The following BMP5 variants were observed in gnomAD, a reference collection of about 807,000 sequenced individuals.
BMP5 encodes the protein bone morphogenetic protein 5.
BMP5 carries 23 observed loss-of-function variants against 46.6 expected under a neutral mutation model. That is an observed-to-expected ratio of 0.49 (90% CI 0.35 to 0.70). BMP5 has a LOEUF of 0.70. BMP5 is among the 30% of genes least tolerant of loss of function. BMP5 has a pLI of 0.00. For missense variants in BMP5, 545 were observed against 565.6 expected, an observed-to-expected ratio of 0.96 and a Z score of 0.37; for synonymous variants, 204 against 191.9, an observed-to-expected ratio of 1.06 and a Z score of -0.52.
intron 2 of BMP5, among the ~76,000 whole-genome samples, chr6:55,800,906 A>C (rs188608274): frequency 6.6e-6 from 1 of 152,200 alleles, no homozygotes; most frequent in Non-Finnish European, 1.5e-5. Flanking sequence ...CTCCCAAACC[A>C]TAACTCAATT....
At chr6:55,794,473 C>T in intron 2 of BMP5, 46 bp from the exon 3 acceptor site, 1 of 1,573,948 alleles carries the variant, frequency 6.4e-7, no homozygotes. Context: ...TTTAAATGAA[C>T]ATCATTATTT....
Position 55,817,392 on chromosome 6 carries a change from C to A in BMP5, c.683+2263G>T, listed in dbSNP as rs568802017. Reference sequence around the variant, plus strand: ...TAGACTGGATTAAGAAAATATGGCACATATACACCACAGAATACTATGCAG... The same window carrying A: ...TAGACTGGATTAAGAAAATATGGCAAATATACACCACAGAATACTATGCAG... On this transcript the variant is annotated intron_variant, in intron 2 of 6. Transcript: ENST00000370830. 9.9e-5 allele frequency among the ~76,000 whole-genome samples: 15 copies of A among 152,272 alleles called. No individual in the cohort carries two copies. In the East Asian group the frequency reaches 2.7e-3, roughly 27 times the overall value.
chr6:55,823,255 C>A (rs1776451409), intron 1 of BMP5, among the ~76,000 whole-genome samples: 1 of 151,998 alleles, frequency 6.6e-6, no homozygotes. Flanking sequence ...TGTCTTTCAG[C>A]AGTACACAAA....
At position 55,755,450 on chromosome 6, in the gene BMP5, C is replaced by A; in HGVS notation, c.*83G>T. On this transcript the variant is annotated 3_prime_UTR_variant, in exon 7 of 7. Transcript: ENST00000370830. The stretch of plus-strand genomic sequence containing the variant: ...TGAGCCAGACTAATTTTAGGAAATT[C>A]CCCGTTTGTCTGAAAGTATGCTTTT... 1 of 1,368,360 alleles carries A rather than the reference C, an allele frequency of 7.3e-7. No individual in the cohort carries two copies. Among genetic ancestry groups the A allele is most frequent in the East Asian group, 2.5e-5 (1 of 40,774 alleles). 84.8% of individuals were successfully genotyped at this position (1,368,360 alleles called of 1,614,324 possible).
chr6:55,823,189 A>G (rs1033985369), intron 1 of BMP5, among the ~76,000 whole-genome samples: 10 of 152,128 alleles, frequency 6.6e-5, no homozygotes. Context: ...TACCACCTAC[A>G]TAATGACATC....
chr6:55,824,516 A>G (rs1302988116), intron 1 of BMP5, among the ~76,000 whole-genome samples: 1 of 151,938 alleles, frequency 6.6e-6, no homozygotes, highest in African/African-American at 2.4e-5. Context: ...TACCATATAA[A>G]AACAAATAAA....
intron 3 of BMP5, among the ~76,000 whole-genome samples, chr6:55,781,414 T>C (rs190800553): frequency 4.0e-4 from 61 of 152,220 alleles, no homozygotes; most frequent in South Asian, 8.3e-4. Context: ...AAAAACTCTT[T>C]CTTTGTGTTA....
At chr6:55,853,437 G>C (rs1269504121) in intron 1 of BMP5, among the ~76,000 whole-genome samples, 1 of 148,110 alleles carries the variant, frequency 6.8e-6, no homozygotes, top group African/African-American at 2.5e-5. Flanking sequence ...CATCATTGCT[G>C]TACCAAGGTT....
chr6:55,859,598 T>A (rs113605657), intron 1 of BMP5, among the ~76,000 whole-genome samples: 2,241 of 152,276 alleles, frequency 0.015, 57 homozygotes, highest in African/African-American at 0.05. Flanking sequence ...AAGGTGTATT[T>A]TTAAAGTATA....
At chr6:55,818,482 C>A (rs1776329770) in intron 2 of BMP5, among the ~76,000 whole-genome samples, 1 of 151,994 alleles carries the variant, frequency 6.6e-6, no homozygotes, top group Admixed American at 6.6e-5. Flanking sequence ...AAACTTTGGG[C>A]ACATCACAAT....
intron 1 of BMP5, among the ~76,000 whole-genome samples, chr6:55,869,178 A>ACAT (rs1777720590): frequency 1.3e-5 from 2 of 152,168 alleles, no homozygotes; most frequent in Non-Finnish European, 2.9e-5. Context: ...ATACTGAGAC[A>ACAT]ACCCCCTCCT....
chr6:55,788,726 T>C (rs1246910718), intron 3 of BMP5, among the ~76,000 whole-genome samples: 1 of 151,878 alleles, frequency 6.6e-6, no homozygotes, highest in African/African-American at 2.4e-5. Flanking sequence ...TGCAATGCAA[T>C]GGCTAGAATG....
chr6:55,849,480 A>G (rs1168510595), intron 1 of BMP5, among the ~76,000 whole-genome samples: 3 of 152,010 alleles, frequency 2.0e-5, no homozygotes, highest in Admixed American at 1.3e-4. Flanking sequence ...AGCAACACAC[A>G]TAGATTGGAG....
chr6:55,866,928 T>C (rs1777653420), intron 1 of BMP5, among the ~76,000 whole-genome samples: 1 of 152,164 alleles, frequency 6.6e-6, no homozygotes, highest in Admixed American at 6.6e-5. Flanking sequence ...AACTAAATAA[T>C]ACAAAGATTA....
In BMP5 at chr6:55,759,126, C is replaced by A. The variant is rs1177216801; in HGVS notation, c.1105-11G>T. ...TGCTATAATCCAGTCCTGACACATA[C>A]ACACACACACACACACACAAAAAAA... On this transcript the variant is annotated splice_polypyrimidine_tract_variant and intron_variant, in intron 5 of 6. Coordinates refer to ENST00000370830, the MANE Select transcript of BMP5 (RefSeq NM_021073.4). 3.5e-6 allele frequency: 1 copy of A among 285,570 alleles called. No individual in the cohort carries two copies. The allele number at this position is 285,570 out of a possible 1,614,324, so 17.7% of individuals were successfully genotyped here.
chr6:55,831,468 A>G (rs1290497423), intron 1 of BMP5, among the ~76,000 whole-genome samples: 1 of 152,098 alleles, frequency 6.6e-6, no homozygotes, highest in Non-Finnish European at 1.5e-5. Flanking sequence ...AAATTATTGC[A>G]TCCATGGAAC....
At chr6:55,833,331 A>T (rs1348881936) in intron 1 of BMP5, among the ~76,000 whole-genome samples, 1 of 152,184 alleles carries the variant, frequency 6.6e-6, no homozygotes, top group Non-Finnish European at 1.5e-5. Context: ...TCGCCCCTTG[A>T]TGTGTGTTCA....
intron 2 of BMP5, among the ~76,000 whole-genome samples, chr6:55,799,309 G>C (rs1041084352): frequency 5.3e-5 from 8 of 152,090 alleles, no homozygotes; most frequent in African/African-American, 1.9e-4. Context: ...TGAGTTTTGG[G>C]AAAGTATTAT....
chr6:55,770,698 T>A (rs1275389910), intron 4 of BMP5, among the ~76,000 whole-genome samples: 1 of 151,938 alleles, frequency 6.6e-6, no homozygotes, highest in African/African-American at 2.4e-5. Context: ...GCGTAATCAT[T>A]ACTAGCTTTT....
Sources: gnomAD v4.1 joint callset for allele counts (sites outside exome capture counted in the v4.1 genomes callset) on GRCh38, gnomAD v4.1.1 for gene constraint, MANE v1.5 for transcripts, NCBI Gene and HGNC (gene_info 2026-07-23, HGNC 2026-07-21) for gene names.